Variants in NADSYN1 observed in about 807,000 individuals in gnomAD.
NADSYN1 encodes glutamine-dependent NAD(+) synthetase.
Under a neutral mutation model 99.3 loss-of-function variants are expected in NADSYN1, and 80 were observed. That is an observed-to-expected ratio of 0.81 (90% CI 0.67 to 0.97). NADSYN1 has a LOEUF of 0.97. NADSYN1 is among the 50% of genes least tolerant of loss of function. The pLI, the probability that NADSYN1 is intolerant of heterozygous loss-of-function variation, is 0.00. For missense variants in NADSYN1, 859 were observed against 948.5 expected, an observed-to-expected ratio of 0.91 and a Z score of 1.24; for synonymous variants, 385 against 372.1, an observed-to-expected ratio of 1.03 and a Z score of -0.40.
At chr11:71,487,568 A>C (rs1949750302) in intron 16 of NADSYN1, among the ~76,000 whole-genome samples, 1 of 152,136 alleles carries the variant, frequency 6.6e-6, no homozygotes, top group Non-Finnish European at 1.5e-5. Flanking sequence ...ACAGTGGCTC[A>C]CGTCTGTAAT....
chr11:71,487,464 CAAAG>C (rs1949749855), intron 16 of NADSYN1, among the ~76,000 whole-genome samples: 2 of 152,122 alleles, frequency 1.3e-5, no homozygotes, highest in South Asian at 2.1e-4. Context: ...AAAATGTTAA[CAAAG>C]AAACAAGTAT....
intron 18 of NADSYN1, among the ~76,000 whole-genome samples, chr11:71,495,521 T>TGTG (rs1177464134): frequency 6.6e-6 from 1 of 152,222 alleles, no homozygotes; most frequent in African/African-American, 2.4e-5. Flanking sequence ...CCTGCAGGTG[T>TGTG]GTGCCAGGTC....
chr11:71,484,501 G>A, intron 15 of NADSYN1, 54 bp downstream of exon 15: 2 of 1,570,218 alleles, frequency 1.3e-6, no homozygotes, highest in Non-Finnish European at 8.6e-7. Flanking sequence ...GGAGCACTGG[G>A]ACAATCACTA....
chr11:71,500,573 G>T (rs1949850706), intron 20 of NADSYN1, among the ~76,000 whole-genome samples: 1 of 61,890 alleles, frequency 1.6e-5, no homozygotes, highest in African/African-American at 5.5e-5. Flanking sequence ...GTGGTGCCAA[G>T]GTTGAGGAAT....
chr11:71,472,470 G>C lies in NADSYN1; in HGVS notation c.429G>C (p.Leu143=). ...SRSRHTEEYF[L]PRMIQDLTKQ... ...CCAGGCACACAGAGGAGTACTTTCTGCCTCGGATGATACAGGACCTGACAA... is the reference window on the plus strand; with the variant it reads ...CCAGGCACACAGAGGAGTACTTTCTCCCTCGGATGATACAGGACCTGACAA... The change falls in exon 6 of 21, where the codon CTG becomes CTC. Residue 143 remains leucine (L), a synonymous_variant. Transcript: ENST00000319023. The C allele has an allele frequency of 1.9e-6, 3 of 1,613,864 alleles. No homozygotes were observed. Among genetic ancestry groups the C allele is most frequent in the Non-Finnish European group, 2.5e-6 (3 of 1,179,712 alleles).
chr11:71,454,489 G>A (rs1177646054), intron 1 of NADSYN1, among the ~76,000 whole-genome samples: 1 of 152,246 alleles, frequency 6.6e-6, no homozygotes, highest in Non-Finnish European at 1.5e-5. Flanking sequence ...TGGGATTCCA[G>A]GCATGAGCCA....
In NADSYN1 at chr11:71,498,463, T is replaced by C. The variant is rs1419870880; in HGVS notation, c.2005T>C (p.Phe669Leu). The change falls in exon 20 of 21, where the codon TTT becomes CTT. Residue 669 changes from phenylalanine (F) to leucine (L), a missense_variant. Physicochemically the swap from Phe to Leu is conservative, Grantham distance 22 (BLOSUM62 0). Transcript: ENST00000319023. ...AENYSPEDNR[F>L]DLRPFLYNTS... ...GAACTACAGCCCTGAGGACAACAGG[T>C]TTGATCTGCGACCATTTCTGTACAA... 1.2e-6 allele frequency: 2 copies of C among 1,614,004 alleles called. No individual in the cohort carries two copies. Among genetic ancestry groups the C allele is most frequent in the Non-Finnish European group, 1.7e-6 (2 of 1,180,004 alleles).
chr11:71,458,571 G>A (rs1949528580), intron 3 of NADSYN1, 27 bp downstream of exon 3: 1 of 1,532,364 alleles, frequency 6.5e-7, no homozygotes, highest in East Asian at 2.2e-5. Flanking sequence ...GTGTGGAAGG[G>A]CAAACCTGGG....
chr11:71,482,696 G>A (rs1335819536), intron 13 of NADSYN1, 153 bp from the exon 14 acceptor site: 1 of 604,882 alleles, frequency 1.7e-6, no homozygotes, highest in Non-Finnish European at 2.8e-6. Flanking sequence ...CAGGCACCTG[G>A]GGGTGTAGAC....
Position 71,484,451 on chromosome 11 carries a change from C to G in NADSYN1, c.1455+4C>G. On this transcript the variant is annotated splice_donor_region_variant and intron_variant, in intron 15 of 20. Transcript: ENST00000319023. ...CCTGGCGCTGCAAAATGTGCAGGTGCCCCCGCCTGGGCCGGCGTCCCCTGG... is the reference window on the plus strand; with the variant it reads ...CCTGGCGCTGCAAAATGTGCAGGTGGCCCCGCCTGGGCCGGCGTCCCCTGG... 1.9e-6 allele frequency: 3 copies of G among 1,612,250 alleles called. No individual in the cohort carries two copies. In the African/African-American group the frequency reaches 4.0e-5, roughly 21 times the overall value.
chr11:71,464,589 T>C (rs56869016), intron 5 of NADSYN1: 6,068 of 153,752 alleles, frequency 0.039, 400 homozygotes, highest in African/African-American at 0.14. Context: ...GGTTTTGGGC[T>C]GGGCACGGTG....
At chr11:71,476,958 G>A in intron 9 of NADSYN1, 2 of 1,002,712 alleles carry the variant, frequency 2.0e-6, no homozygotes, top group Non-Finnish European at 2.4e-6. Flanking sequence ...TCCGTCGTAG[G>A]CTGTGGCCAC....
At chr11:71,484,726 C>T (rs1434052549) in intron 15 of NADSYN1, 9 of 414,924 alleles carry the variant, frequency 2.2e-5, no homozygotes, top group South Asian at 5.7e-5. Context: ...TGTGCGTGCT[C>T]GAGTGTGTGC....
rs113522146 is a variant in NADSYN1 at position 71,458,756 on chromosome 11, G to A, written c.263+212G>A. On this transcript the variant is annotated intron_variant, in intron 3 of 20. Transcript: ENST00000319023. ...AGGAGGGAGCTCCTGAAAGCAGGAT[G>A]TGTCAGTTCTTCCAGAAAGTCCTGT... 1,277 of 532,912 alleles carry A rather than the reference G, an allele frequency of 2.4e-3. 39 individuals are homozygous for A. The East Asian group carries it at 0.036, about 15-fold the overall frequency. 33.0% of individuals were successfully genotyped at this position (532,912 alleles called of 1,614,324 possible).
intron 12 of NADSYN1, 33 bp downstream of exon 12, chr11:71,481,437 G>A (rs1293361876): frequency 1.2e-6 from 2 of 1,605,434 alleles, no homozygotes; most frequent in Non-Finnish European, 1.7e-6. Flanking sequence ...AGCCCACTTT[G>A]CTTGTTCTGC....
chr11:71,462,768 T>G (rs1375878258), intron 3 of NADSYN1, among the ~76,000 whole-genome samples: 2 of 152,150 alleles, frequency 1.3e-5, no homozygotes, highest in African/African-American at 4.8e-5. Flanking sequence ...GGCAGGCGCC[T>G]GTGCTTTTCT....
At position 71,486,923 on chromosome 11, in the gene NADSYN1, A is replaced by G. The variant is rs887312347; in HGVS notation, c.1562+1275A>G. Among the ~76,000 whole-genome samples, 8 of 144,320 alleles carry G rather than the reference A, an allele frequency of 5.5e-5. No homozygotes were observed. The Admixed American group carries it at 5.9e-4, about 11-fold the overall frequency. The allele number at this position is 144,320 out of a possible 152,430, so 94.7% of individuals were successfully genotyped here. A position where few individuals can be genotyped will look rare whatever the true frequency, so the allele number is the denominator to read the frequency against. On this transcript the variant is annotated intron_variant, in intron 16 of 20. Transcript: ENST00000319023. ...CGGGTTCACGCCATTCTCCTGCCTC[A>G]GCCTCCCGAGTAGCTGGGACTACAG...
At chr11:71,497,734 T>A in intron 19 of NADSYN1, 123 bp downstream of exon 19, 1 of 1,265,298 alleles carries the variant, frequency 7.9e-7, no homozygotes, top group Non-Finnish European at 1.1e-6. Context: ...AAACTGTATC[T>A]CACACAGTAA....
At chr11:71,459,479 G>T (rs528177752) in intron 3 of NADSYN1, among the ~76,000 whole-genome samples, 1 of 151,676 alleles carries the variant, frequency 6.6e-6, no homozygotes, top group East Asian at 1.9e-4. Context: ...GCCTCTGCAC[G>T]TGCTGTGCTG....
Sources: allele counts gnomAD v4.1 joint callset (sites outside exome capture counted in the v4.1 genomes callset), GRCh38; gene constraint gnomAD v4.1.1; transcripts MANE v1.5; gene names NCBI Gene and HGNC (gene_info 2026-07-23, HGNC 2026-07-21).